Variants in GLP2R observed in about 807,000 individuals in gnomAD.
GLP2R encodes the protein glucagon like peptide 2 receptor.
In GLP2R, 59 loss-of-function variants were observed where a neutral mutation model predicts 68.2. The ratio of observed to expected loss-of-function variants is 0.87; its 90% confidence interval spans 0.70 to 1.07. The LOEUF is 1.07. Ranked by LOEUF, GLP2R falls within the 50% of genes least tolerant of loss-of-function variation. GLP2R has a pLI of 0.00. For synonymous variants in GLP2R, 270 were observed against 265.4 expected, an observed-to-expected ratio of 1.02 and a Z score of -0.17; for missense variants, 548 against 677.4, an observed-to-expected ratio of 0.81 and a Z score of 2.12.
At chr17:9,885,161 T>C (rs2067231886) in intron 11 of GLP2R, among the ~76,000 whole-genome samples, 1 of 147,696 alleles carries the variant, frequency 6.8e-6, no homozygotes, top group Non-Finnish European at 1.5e-5. Context: ...ATTATTATTA[T>C]TATTATTATT....
At chr17:9,874,667 C>T (rs2067128354) in intron 10 of GLP2R, among the ~76,000 whole-genome samples, 1 of 152,084 alleles carries the variant, frequency 6.6e-6, no homozygotes, top group Non-Finnish European at 1.5e-5. Flanking sequence ...GCTGAGCTCA[C>T]AATATATATA....
intron 10 of GLP2R, 105 bp downstream of exon 10, chr17:9,870,940 A>T (rs2067087214): frequency 1.4e-6 from 1 of 700,336 alleles, no homozygotes; most frequent in African/African-American, 1.8e-5. Flanking sequence ...AGGCCAGGGT[A>T]TCAGAAAGAG....
chr17:9,826,265 C>CACT lies in GLP2R; in HGVS notation c.189+14_189+15insCTA, dbSNP rs1555567655. The stretch of plus-strand genomic sequence containing the variant: ...TTCCATCAAGCAAGTAAGAGCAGTT[C>CACT]ATTATTATTATTATTATCAGTTGTA... On this transcript the variant is annotated intron_variant, in intron 1 of 12. Transcript: ENST00000262441. 538 of 1,526,654 alleles carry CACT rather than the reference C, an allele frequency of 3.5e-4. 1 individual carries two copies. In the African/African-American group the frequency reaches 6.9e-3, roughly 20 times the overall value. The allele number at this position is 1,526,654 out of a possible 1,614,324, so 94.6% of individuals were successfully genotyped here.
At chr17:9,836,975 G>A (rs1309468667) in intron 3 of GLP2R, among the ~76,000 whole-genome samples, 3 of 151,880 alleles carry the variant, frequency 2.0e-5, no homozygotes, top group East Asian at 3.9e-4. Flanking sequence ...TCAGCCTCCC[G>A]AGTAGCTGTG....
chr17:9,881,378 C>A (rs1401430186), intron 11 of GLP2R, among the ~76,000 whole-genome samples: 2 of 95,644 alleles, frequency 2.1e-5, no homozygotes, highest in Non-Finnish European at 3.9e-5. Context: ...GCTGTCAGGC[C>A]TTTTTTTTTT....
At chr17:9,847,514 C>T (rs933052197) in intron 4 of GLP2R, among the ~76,000 whole-genome samples, 6 of 152,076 alleles carry the variant, frequency 3.9e-5, no homozygotes, top group Admixed American at 6.6e-5. Context: ...GTGATCTGTC[C>T]GCCTCAGCCT....
intron 1 of GLP2R, among the ~76,000 whole-genome samples, chr17:9,829,043 C>T (rs1000439027): frequency 9.9e-5 from 15 of 152,270 alleles, no homozygotes; most frequent in African/African-American, 3.6e-4. Flanking sequence ...TGCTCATAGC[C>T]TCTTTCCCTG....
intron 4 of GLP2R, among the ~76,000 whole-genome samples, chr17:9,844,753 TG>T (rs980013536): frequency 5.6e-4 from 75 of 133,552 alleles, no homozygotes; most frequent in African/African-American, 1.6e-3. Context: ...TGCAATGGCA[TG>T]ATCTTGGCTC....
intron 4 of GLP2R, among the ~76,000 whole-genome samples, chr17:9,847,050 GC>G (rs2066845560): frequency 6.6e-6 from 1 of 152,160 alleles, no homozygotes; most frequent in South Asian, 2.1e-4. Context: ...TGGCATTAAT[GC>G]CCCCCATGGC....
chr17:9,863,154 C>A (rs2067002237), intron 9 of GLP2R, among the ~76,000 whole-genome samples: 1 of 152,114 alleles, frequency 6.6e-6, no homozygotes, highest in African/African-American at 2.4e-5. Flanking sequence ...GGCACACACA[C>A]CCCACACATG....
chr17:9,836,163 C>CT (rs1271022949), intron 2 of GLP2R, among the ~76,000 whole-genome samples: 1 of 152,166 alleles, frequency 6.6e-6, no homozygotes, highest in Non-Finnish European at 1.5e-5. Context: ...AATGCACATT[C>CT]TTTGGGACTG....
chr17:9,854,674 T>C (rs1209437514), intron 5 of GLP2R, 73 bp downstream of exon 5: 1 of 886,824 alleles, frequency 1.1e-6, no homozygotes, highest in African/African-American at 1.6e-5. Context: ...GGATATGTTC[T>C]AAGAGTTCCA....
chr17:9,847,592 A>G (rs2066853014), intron 4 of GLP2R, among the ~76,000 whole-genome samples: 1 of 152,040 alleles, frequency 6.6e-6, no homozygotes, highest in South Asian at 2.1e-4. Context: ...AAGAATGCTC[A>G]TGTTTTGCAA....
At chr17:9,847,801 T>C (rs2066854998) in intron 4 of GLP2R, among the ~76,000 whole-genome samples, 1 of 152,188 alleles carries the variant, frequency 6.6e-6, no homozygotes, top group Non-Finnish European at 1.5e-5. Context: ...TGGTTCGGGC[T>C]CTGTTCCTTC....
In GLP2R at chr17:9,889,944, C is replaced by T; in HGVS notation, c.*239C>T. 1.7e-6 allele frequency: 1 copy of T among 591,614 alleles called. No individual in the cohort carries two copies. The highest frequency in any genetic ancestry group is 3.2e-6 in the Non-Finnish European group (1 of 314,630). The allele number at this position is 591,614 out of a possible 1,614,324, so 36.6% of individuals were successfully genotyped here. Reference sequence around the variant, plus strand: ...ATAACCCCCACCAGTGTGTTTTCCACAATGCCCACCAGACCCTAGGGCCTG... The same window carrying T: ...ATAACCCCCACCAGTGTGTTTTCCATAATGCCCACCAGACCCTAGGGCCTG... On this transcript the variant is annotated 3_prime_UTR_variant, in exon 13 of 13. Coordinates refer to ENST00000262441, the MANE Select transcript of GLP2R (RefSeq NM_004246.3).
At chr17:9,881,383 T>TTTTTTTTTA (rs2067194481) in intron 11 of GLP2R, among the ~76,000 whole-genome samples, 1 of 127,786 alleles carries the variant, frequency 7.8e-6, no homozygotes, top group Non-Finnish European at 1.6e-5. Context: ...CAGGCCTTTT[T>TTTTTTTTTA]TTTTTTTTTT....
chr17:9,848,245 T>A (rs60416157), intron 4 of GLP2R, among the ~76,000 whole-genome samples: 8,337 of 133,442 alleles, frequency 0.062, 739 homozygotes, highest in African/African-American at 0.23. Context: ...TTAGGCAAAC[T>A]GTGTATTTTT....
intron 8 of GLP2R, among the ~76,000 whole-genome samples, chr17:9,861,427 G>T (rs1357171687): frequency 6.6e-6 from 1 of 152,128 alleles, no homozygotes; most frequent in Non-Finnish European, 1.5e-5. Flanking sequence ...TAGGTTAGCT[G>T]CAGCCCTGGG....
chr17:9,846,516 GCTGATGTGGGA>G (rs1312568786), intron 4 of GLP2R, among the ~76,000 whole-genome samples: 14 of 152,184 alleles, frequency 9.2e-5, no homozygotes, highest in Non-Finnish European at 1.5e-5. Context: ...TACTTGGGAG[GCTGATGTGGGA>G]GGATCACTTA....
Sources: allele counts gnomAD v4.1 joint callset (sites outside exome capture counted in the v4.1 genomes callset), GRCh38; gene constraint gnomAD v4.1.1; transcripts MANE v1.5; gene names NCBI Gene and HGNC (gene_info 2026-07-23, HGNC 2026-07-21).